Variants in SOX6 observed in about 807,000 individuals in gnomAD.
SOX6 encodes the protein transcription factor SOX-6.
A neutral mutation model predicts 97.8 loss-of-function variants in SOX6; 11 were observed. The ratio of observed to expected loss-of-function variants is 0.11; its 90% confidence interval spans 0.07 to 0.19. The LOEUF is 0.19. Among genes scored for constraint, SOX6 ranks in the 10% least tolerant of loss-of-function variants. The pLI is 1.00. For synonymous variants in SOX6, 360 were observed against 371.4 expected (o/e 0.97, Z 0.35); for missense variants, 810 against 1,039.5 (o/e 0.78, Z 3.04).
intron 4 of SOX6, among the ~76,000 whole-genome samples, chr11:16,227,760 C>T (rs1852727512): frequency 6.6e-6 from 1 of 152,208 alleles, no homozygotes; most frequent in Non-Finnish European, 1.5e-5. Flanking sequence ...TTATCCTCTT[C>T]TATCCAATAA....
chr11:16,144,013 A>C (rs12573890), intron 6 of SOX6, among the ~76,000 whole-genome samples: 16,367 of 152,078 alleles, frequency 0.11, 1,816 homozygotes, highest in East Asian at 0.37. Flanking sequence ...TAATAGACAT[A>C]TACAGAACTC....
At chr11:16,326,559 A>G (rs986191193) in intron 2 of SOX6, among the ~76,000 whole-genome samples, 3 of 152,220 alleles carry the variant, frequency 2.0e-5, no homozygotes, top group Non-Finnish European at 4.4e-5. Context: ...CACAATGCCA[A>G]TGATGACTAC....
chr11:16,253,483 G>A (rs1029268586), intron 3 of SOX6, among the ~76,000 whole-genome samples: 20 of 152,064 alleles, frequency 1.3e-4, no homozygotes, highest in African/African-American at 4.8e-4. Flanking sequence ...AGAAAAAGTA[G>A]AGAGTATGCA....
In SOX6 at chr11:16,293,348, T is replaced by C. The variant is rs956961644; in HGVS notation, c.445+25098A>G. 2.2e-4 allele frequency among the ~76,000 whole-genome samples: 33 copies of C among 152,268 alleles called. No homozygotes were observed. In the Middle Eastern group the frequency reaches 0.01, roughly 47 times the overall value. ...GTGATAAACAGCAACCACGTGGACA[T>C]TACAGATAGATGAGAAAAGGCTTTG... is the stretch of plus-strand genomic sequence containing the variant. On this transcript the variant is annotated intron_variant, in intron 3 of 15. Coordinates refer to ENST00000683767, the MANE Select transcript of SOX6 (RefSeq NM_001367873.1).
chr11:16,429,558 T>C (rs1859227106), intron 1 of SOX6, among the ~76,000 whole-genome samples: 1 of 152,106 alleles, frequency 6.6e-6, no homozygotes, highest in Non-Finnish European at 1.5e-5. Context: ...CTATTATCCT[T>C]AGCAAACTAA....
Position 16,340,952 on chromosome 11 carries a change from T to C in SOX6, c.237+60A>G, listed in dbSNP as rs905352309. 5 of 1,609,328 alleles carry C rather than the reference T, an allele frequency of 3.1e-6. No individual in the cohort carries two copies. In the Admixed American group the frequency reaches 6.7e-5, roughly 22 times the overall value. On this transcript the variant is annotated intron_variant, in intron 2 of 15. Transcript: ENST00000683767. ...CATCTATTTCCCTAAAATATCTATT[T>C]ATAATGAGGACATTCTAAGGAATGC...
At chr11:16,175,678 T>C (rs1413031199) in intron 6 of SOX6, among the ~76,000 whole-genome samples, 1 of 151,930 alleles carries the variant, frequency 6.6e-6, no homozygotes, top group African/African-American at 2.4e-5. Flanking sequence ...AAAAACACTT[T>C]TAAAAAATGG....
intron 1 of SOX6, among the ~76,000 whole-genome samples, chr11:16,370,790 T>C (rs990486306): frequency 2.0e-5 from 3 of 152,034 alleles, no homozygotes; most frequent in African/African-American, 4.8e-5. Flanking sequence ...ATCCAACAAA[T>C]CCAATCTGTC....
chr11:16,264,154 A>C (rs1853994745), intron 3 of SOX6, among the ~76,000 whole-genome samples: 1 of 151,822 alleles, frequency 6.6e-6, no homozygotes, highest in African/African-American at 2.4e-5. Context: ...CTCAACTACT[A>C]ATCCCCATCC....
intron 6 of SOX6, among the ~76,000 whole-genome samples, chr11:16,165,496 T>G (rs1850864183): frequency 1.3e-5 from 2 of 152,230 alleles, no homozygotes. Flanking sequence ...GTCAGTAAAC[T>G]AAGGCTGTAA....
In SOX6 at chr11:16,189,989, A is replaced by G. The variant is rs12798896; in HGVS notation, c.536-3034T>C. Among the ~76,000 whole-genome samples, 987 of 152,286 alleles carry G rather than the reference A, an allele frequency of 6.5e-3. 5 individuals are homozygous for G. Among genetic ancestry groups the G allele is most frequent in the South Asian group, 0.012 (59 of 4,826 alleles). On this transcript the variant is annotated intron_variant, in intron 4 of 15. Transcript: ENST00000683767. ...TTAAACAATCTTTCAATCATCTTCA[A>G]CTTACTCCCCTTTCTCCTCTGCATA...
chr11:16,705,809 G>A (rs936543358), intron 3 of SOX6, among the ~76,000 whole-genome samples: 1 of 151,534 alleles, frequency 6.6e-6, no homozygotes, highest in Non-Finnish European at 1.5e-5. Context: ...GTAATCTCCA[G>A]GAAAATCACT....
intron 1 of SOX6, among the ~76,000 whole-genome samples, chr11:16,427,148 T>C (rs1482324464): frequency 6.6e-6 from 1 of 151,832 alleles, no homozygotes. Context: ...CTAAAAAGCT[T>C]CTGCACAGTA....
intron 1 of SOX6, among the ~76,000 whole-genome samples, chr11:16,445,492 G>A (rs1348776283): frequency 6.6e-6 from 1 of 152,046 alleles, no homozygotes; most frequent in East Asian, 1.9e-4. Context: ...CCAAATCTGT[G>A]TACCCACAGA....
rs946383469 is a variant in SOX6 at position 15,972,827 on chromosome 11, C to A, written c.2469G>T (p.Glu823Asp). The A allele has an allele frequency of 6.2e-7, 1 of 1,614,210 alleles. No homozygotes were observed. Among genetic ancestry groups the A allele is most frequent in the Non-Finnish European group, 8.5e-7 (1 of 1,180,030 alleles). Reference sequence around the variant, plus strand: ...AAACTCCTCAGTTGGCACTGACAGCCTCCGGGGCTTCATTTTCACTGCTAT... The same window carrying A: ...AAACTCCTCAGTTGGCACTGACAGCATCCGGGGCTTCATTTTCACTGCTAT... The part of the protein sequence containing the change: ...SDYSSENEAP[E>D]AVSAN The change falls in exon 16 of 16, where the codon GAG (glutamate) becomes GAT (aspartate). Residue 823 changes from glutamate to aspartate, a missense_variant. Coordinates refer to ENST00000683767, the MANE Select transcript of SOX6 (RefSeq NM_001367873.1).
chr11:16,058,036 T>A (rs965132250), intron 9 of SOX6, among the ~76,000 whole-genome samples: 1 of 152,132 alleles, frequency 6.6e-6, no homozygotes, highest in Non-Finnish European at 1.5e-5. Flanking sequence ...TCTAGGAAAC[T>A]TTTTTGATGT....
At chr11:16,252,032 C>G (rs1462362072) in intron 3 of SOX6, among the ~76,000 whole-genome samples, 1 of 151,904 alleles carries the variant, frequency 6.6e-6, no homozygotes, top group African/African-American at 2.4e-5. Context: ...TAGGAGAGTA[C>G]CTTCAGAAAA....
chr11:16,637,889 T>C (rs913926418), intron 3 of SOX6, among the ~76,000 whole-genome samples: 2 of 152,008 alleles, frequency 1.3e-5, no homozygotes, highest in African/African-American at 4.8e-5. Flanking sequence ...TCCATTCACA[T>C]TTTTTTGGAC....
chr11:16,308,906 G>T (rs1037368334), intron 3 of SOX6, among the ~76,000 whole-genome samples: 12 of 152,166 alleles, frequency 7.9e-5, no homozygotes, highest in Admixed American at 7.2e-4. Flanking sequence ...AAGGAAAATT[G>T]CAGTGAAGGG....
Sources: gnomAD v4.1 joint callset for allele counts (sites outside exome capture counted in the v4.1 genomes callset) on GRCh38, gnomAD v4.1.1 for gene constraint, MANE v1.5 for transcripts, NCBI Gene and HGNC (gene_info 2026-07-23, HGNC 2026-07-21) for gene names.